The following PPP2R2B variants were observed in gnomAD, a reference collection of about 807,000 sequenced individuals.
PPP2R2B encodes the protein serine/threonine-protein phosphatase 2A 55 kDa regulatory subunit B beta isoform.
PPP2R2B carries 5 observed loss-of-function variants against 46.0 expected under a neutral mutation model. The ratio of observed to expected loss-of-function variants is 0.11; its 90% confidence interval spans 0.06 to 0.23. PPP2R2B has a LOEUF of 0.23. Ranked by LOEUF, PPP2R2B falls within the 10% of genes least tolerant of loss-of-function variation. The probability of loss-of-function intolerance (pLI) is 1.00; values close to 1 mark genes in which losing one functional copy is unlikely to be tolerated. For missense variants in PPP2R2B, 367 were observed against 575.0 expected (o/e 0.64, Z 3.70); for synonymous variants, 215 against 206.7 (o/e 1.04, Z -0.34).
chr5:146,607,597 T>G (rs542202116), intron 7 of PPP2R2B: 1 of 152,350 alleles, frequency 6.6e-6, no homozygotes, highest in South Asian at 2.1e-4. Context: ...TCAAAATAAT[T>G]CTGCATCTAC....
intron 7 of PPP2R2B, among the ~76,000 whole-genome samples, chr5:146,606,365 T>C (rs1241917334): frequency 6.6e-6 from 1 of 152,190 alleles, no homozygotes; most frequent in Non-Finnish European, 1.5e-5. Flanking sequence ...CTGTCTTAGA[T>C]GGTGTGGTGA....
intron 1 of PPP2R2B, among the ~76,000 whole-genome samples, chr5:146,934,536 C>T (rs560157): frequency 2.3e-5 from 3 of 131,720 alleles, no homozygotes; most frequent in Non-Finnish European, 3.1e-5. Context: ...GTTGGACAAA[C>T]GGAAGTTCTG....
chr5:146,738,170 G>C (rs1382816967), intron 2 of PPP2R2B, among the ~76,000 whole-genome samples: 1 of 151,958 alleles, frequency 6.6e-6, no homozygotes, highest in Non-Finnish European at 1.5e-5. Context: ...GCTGAGGCGG[G>C]CGGATCACGA....
intron 5 of PPP2R2B, among the ~76,000 whole-genome samples, chr5:146,675,657 T>C (rs1266699494): frequency 1.3e-5 from 2 of 152,204 alleles, no homozygotes; most frequent in South Asian, 2.1e-4. Flanking sequence ...GCAAATGCCA[T>C]AGAAACAAAT....
intron 8 of PPP2R2B, among the ~76,000 whole-genome samples, chr5:146,594,766 G>A (rs1463975428): frequency 2.0e-5 from 3 of 152,186 alleles, no homozygotes; most frequent in Non-Finnish European, 2.9e-5. Context: ...GCTCTGGTGG[G>A]TCCTCAGTCC....
intron 1 of PPP2R2B, among the ~76,000 whole-genome samples, chr5:147,039,439 C>T (rs1201294914): frequency 2.0e-5 from 3 of 152,122 alleles, no homozygotes; most frequent in Admixed American, 6.5e-5. Context: ...GGTCTGAAGA[C>T]CCAGATAGAT....
intron 2 of PPP2R2B, among the ~76,000 whole-genome samples, chr5:146,843,020 CT>C (rs1045830526): frequency 5.9e-5 from 9 of 152,282 alleles, no homozygotes; most frequent in African/African-American, 2.2e-4. Flanking sequence ...GAAACCCCAT[CT>C]CTACTAAAAA....
chr5:146,593,107 G>C (rs1333089065), intron 8 of PPP2R2B, 45 bp from the exon 9 acceptor site: 5 of 1,478,026 alleles, frequency 3.4e-6, no homozygotes, highest in Non-Finnish European at 4.7e-6. Context: ...ATTTTAAACA[G>C]TAATTATTTC....
At chr5:146,645,154 C>A (rs974463003) in intron 6 of PPP2R2B, among the ~76,000 whole-genome samples, 9 of 152,160 alleles carry the variant, frequency 5.9e-5, no homozygotes, top group Non-Finnish European at 1.0e-4. Flanking sequence ...GTGAACACAG[C>A]GTATTTGTTT....
chr5:146,656,221 G>A (rs1288894218), intron 5 of PPP2R2B, among the ~76,000 whole-genome samples: 1 of 151,972 alleles, frequency 6.6e-6, no homozygotes, highest in African/African-American at 2.4e-5. Flanking sequence ...GGTCATAGAA[G>A]GCCTCTCTGA....
At chr5:146,591,701 C>T (rs1213631462) in intron 9 of PPP2R2B, among the ~76,000 whole-genome samples, 1 of 151,252 alleles carries the variant, frequency 6.6e-6, no homozygotes, top group Non-Finnish European at 1.5e-5. Flanking sequence ...GACTACCAAC[C>T]TTATCTGAAA....
At chr5:146,871,540 GT>G in intron 2 of PPP2R2B, among the ~76,000 whole-genome samples, 1 of 152,344 alleles carries the variant, frequency 6.6e-6, no homozygotes, top group Middle Eastern at 3.4e-3. Flanking sequence ...ACAGGAGTAA[GT>G]CAGCTAAGAA....
chr5:146,649,651 C>T (rs1008875785), intron 6 of PPP2R2B, among the ~76,000 whole-genome samples: 4 of 151,996 alleles, frequency 2.6e-5, no homozygotes, highest in Non-Finnish European at 4.4e-5. Context: ...GGCCTTGCCA[C>T]GTTGGCTAAG....
intron 7 of PPP2R2B, among the ~76,000 whole-genome samples, chr5:146,609,236 G>A (rs963378580): frequency 6.6e-6 from 1 of 152,144 alleles, no homozygotes; most frequent in Admixed American, 6.5e-5. Flanking sequence ...CAGAGCCACC[G>A]CTAGTATCAC....
chr5:146,663,244 G>A (rs976314871), intron 5 of PPP2R2B, among the ~76,000 whole-genome samples: 4 of 152,048 alleles, frequency 2.6e-5, no homozygotes, highest in African/African-American at 7.2e-5. Context: ...TCTAGCCAAG[G>A]GAGTCCTAAC....
intron 5 of PPP2R2B, among the ~76,000 whole-genome samples, chr5:146,658,463 T>C (rs1487988025): frequency 6.6e-6 from 1 of 152,186 alleles, no homozygotes. Context: ...TGGGAGAGCA[T>C]TGGGTCCTCC....
intron 6 of PPP2R2B, among the ~76,000 whole-genome samples, chr5:146,639,029 T>C (rs1775017717): frequency 1.3e-5 from 2 of 152,340 alleles, no homozygotes; most frequent in South Asian, 4.1e-4. Flanking sequence ...CTCTATATAA[T>C]TAGCGTTTTC....
intron 4 of PPP2R2B, among the ~76,000 whole-genome samples, chr5:146,693,186 C>A (rs1778977406): frequency 6.6e-6 from 1 of 150,894 alleles, no homozygotes; most frequent in Non-Finnish European, 1.5e-5. Flanking sequence ...TCTTCCTTCC[C>A]TTCCTCTCTC....
intron 1 of PPP2R2B, among the ~76,000 whole-genome samples, chr5:147,001,013 G>C (rs983361959): frequency 1.3e-5 from 2 of 152,132 alleles, no homozygotes. Flanking sequence ...GAAGCTGGCT[G>C]GGCTTCTGGG....
Sources: gnomAD v4.1 joint callset for allele counts (sites outside exome capture counted in the v4.1 genomes callset) on GRCh38, gnomAD v4.1.1 for gene constraint, MANE v1.5 for transcripts, NCBI Gene and HGNC (gene_info 2026-07-23, HGNC 2026-07-21) for gene names.